Variants in ARHGAP19 observed in about 807,000 individuals in gnomAD.
ARHGAP19 encodes Rho GTPase activating protein 19, also known as rho GTPase-activating protein 19.
ARHGAP19 carries 48 observed loss-of-function variants against 60.9 expected under a neutral mutation model. The ratio of observed to expected loss-of-function variants is 0.79; its 90% confidence interval spans 0.62 to 1.00. The LOEUF (loss-of-function observed/expected upper bound fraction) is 1.00. ARHGAP19 is among the 50% of genes least tolerant of loss of function. The pLI is 0.00. For missense variants in ARHGAP19, 562 were observed against 597.2 expected, an observed-to-expected ratio of 0.94 and a Z score of 0.61; for synonymous variants, 209 against 215.5, an observed-to-expected ratio of 0.97 and a Z score of 0.27.
chr10:97,264,771 C>A (rs1842876160), intron 3 of ARHGAP19, 55 bp downstream of exon 3: 1 of 1,398,886 alleles, frequency 7.1e-7, no homozygotes, highest in Non-Finnish European at 1.0e-6. Flanking sequence ...TAGCTCTCAA[C>A]AGAAAACAGA....
At chr10:97,232,088 T>G (rs1450683751) in intron 9 of ARHGAP19, among the ~76,000 whole-genome samples, 1 of 151,474 alleles carries the variant, frequency 6.6e-6, no homozygotes, top group South Asian at 2.1e-4. Flanking sequence ...GAACATCTTT[T>G]CATGTGTTTC....
chr10:97,292,600 C>T lies in ARHGAP19; in HGVS notation c.28G>A (p.Glu10Lys). The T allele has an allele frequency of 1.9e-6, 3 of 1,614,210 alleles. No individual in the cohort carries two copies. Among genetic ancestry groups the T allele is most frequent in the East Asian group, 2.2e-5 (1 of 44,890 alleles). The change falls in exon 1 of 12, where the codon GAG becomes AAG. Residue 10 changes from glutamate to lysine, a missense_variant. By Grantham distance (56) the Glu-to-Lys change is moderately conservative. Transcript: ENST00000358531. MATEAQSEG[E>K]VPARESGRSD... ...CGGCCGGATTCGCGGGCTGGCACCT[C>T]CCCTTCACTCTGTGCCTCAGTCGCC... is the stretch of plus-strand genomic sequence containing the variant.
intron 1 of ARHGAP19, among the ~76,000 whole-genome samples, chr10:97,273,561 T>C (rs568011958): frequency 1.4e-5 from 2 of 143,042 alleles, no homozygotes; most frequent in South Asian, 4.6e-4. Flanking sequence ...CTATCCTGGC[T>C]CACTGTAACT....
At chr10:97,251,427 A>G (rs1268650394) in intron 6 of ARHGAP19, among the ~76,000 whole-genome samples, 4 of 48,868 alleles carry the variant, frequency 8.2e-5, no homozygotes, top group African/African-American at 9.7e-5. Context: ...AGGGGAAGGG[A>G]AGGGGAAGGG....
rs1288347863 is a variant in ARHGAP19, at chr10:97,225,880, T to A, written c.*242A>T. 2 of 531,034 alleles carry A rather than the reference T, an allele frequency of 3.8e-6. No homozygotes were observed. The highest frequency in any genetic ancestry group is 2.7e-5 in the South Asian group (1 of 37,664). The allele number at this position is 531,034 out of a possible 1,614,324, so 32.9% of individuals were successfully genotyped here. On this transcript the variant is annotated 3_prime_UTR_variant, in exon 12 of 12. Coordinates refer to ENST00000358531, the MANE Select transcript of ARHGAP19 (RefSeq NM_032900.6). Reference sequence around the variant, plus strand: ...CTGTATAAGCTGGTTGGATAGTTAGTGGTTTCCCCATAATATTAAAAAAGA... The same window carrying A: ...CTGTATAAGCTGGTTGGATAGTTAGAGGTTTCCCCATAATATTAAAAAAGA...
intron 1 of ARHGAP19, among the ~76,000 whole-genome samples, chr10:97,280,432 GA>G (rs367815153): frequency 3.4e-4 from 51 of 150,584 alleles, no homozygotes; most frequent in Middle Eastern, 6.8e-3. Context: ...ATAATTAAAA[GA>G]AAAAAAAGGT....
chr10:97,264,740 C>A, intron 3 of ARHGAP19, 86 bp downstream of exon 3: 1 of 904,650 alleles, frequency 1.1e-6, no homozygotes, highest in South Asian at 1.5e-5. Context: ...GGTTAATTGG[C>A]ACCTACTAAC....
In ARHGAP19 at chr10:97,224,171, C is replaced by T. The variant is rs979184262; in HGVS notation, c.*1951G>A. 1 of 152,176 alleles carries T rather than the reference C, an allele frequency of 6.6e-6. No individual in the cohort carries two copies. The highest frequency in any genetic ancestry group is 1.5e-5 in the Non-Finnish European group (1 of 68,036). 9.4% of individuals were successfully genotyped at this position (152,176 alleles called of 1,614,324 possible). A position where few individuals can be genotyped will look rare whatever the true frequency, so the allele number is the denominator to read the frequency against. Reference sequence around the variant, plus strand: ...CTGCTCCCTCTACCTGATGCCAGCCCTGTTTAACAGACCATAGCACCACTT... The same window carrying T: ...CTGCTCCCTCTACCTGATGCCAGCCTTGTTTAACAGACCATAGCACCACTT... On this transcript the variant is annotated 3_prime_UTR_variant, in exon 12 of 12. Coordinates refer to ENST00000358531, the MANE Select transcript of ARHGAP19 (RefSeq NM_032900.6).
At chr10:97,268,281 C>T (rs1842923190) in intron 1 of ARHGAP19, among the ~76,000 whole-genome samples, 1 of 152,216 alleles carries the variant, frequency 6.6e-6, no homozygotes, top group South Asian at 2.1e-4. Flanking sequence ...GTCCATATCA[C>T]TATCAGCATT....
chr10:97,271,912 T>C (rs1842963330), intron 1 of ARHGAP19, among the ~76,000 whole-genome samples: 1 of 151,928 alleles, frequency 6.6e-6, no homozygotes, highest in South Asian at 2.1e-4. Flanking sequence ...TGGTAAATAA[T>C]ACAGATTTTC....
At chr10:97,263,191 C>G (rs142248939) in intron 4 of ARHGAP19, among the ~76,000 whole-genome samples, 71 of 152,286 alleles carry the variant, frequency 4.7e-4, no homozygotes, top group Non-Finnish European at 9.1e-4. Context: ...CATCTTACTA[C>G]CAGCTCCTTA....
At chr10:97,290,292 C>T (rs1204735061) in intron 1 of ARHGAP19, among the ~76,000 whole-genome samples, 1 of 152,228 alleles carries the variant, frequency 6.6e-6, no homozygotes, top group Non-Finnish European at 1.5e-5. Flanking sequence ...TCCCATCCCT[C>T]CGGATCTGGC....
intron 1 of ARHGAP19, among the ~76,000 whole-genome samples, chr10:97,288,809 CTTTT>C (rs750951743): frequency 3.3e-5 from 4 of 120,004 alleles, no homozygotes; most frequent in Admixed American, 8.4e-5. Flanking sequence ...AACTTCTCTC[CTTTT>C]TTTTTTTTTT....
At chr10:97,235,098 A>T in intron 9 of ARHGAP19, 119 bp downstream of exon 9, 1 of 898,176 alleles carries the variant, frequency 1.1e-6, no homozygotes, top group Non-Finnish European at 1.7e-6. Flanking sequence ...TTACCCCCTT[A>T]TAAACTAGCC....
chr10:97,280,316 G>A (rs1843067075), intron 1 of ARHGAP19, among the ~76,000 whole-genome samples: 1 of 151,994 alleles, frequency 6.6e-6, no homozygotes, highest in African/African-American at 2.4e-5. Context: ...GGCTGAGGAA[G>A]GAGAATCACT....
chr10:97,249,000 T>C (rs1842603511), intron 6 of ARHGAP19, among the ~76,000 whole-genome samples: 1 of 152,072 alleles, frequency 6.6e-6, no homozygotes, highest in Non-Finnish European at 1.5e-5. Flanking sequence ...GTATTTTTCA[T>C]AGAGATGGGG....
chr10:97,255,322 T>C (rs1842738326), intron 6 of ARHGAP19, among the ~76,000 whole-genome samples: 1 of 152,212 alleles, frequency 6.6e-6, no homozygotes, highest in Admixed American at 6.5e-5. Context: ...CACACGCCTG[T>C]AATCCCAGCA....
intron 1 of ARHGAP19, among the ~76,000 whole-genome samples, chr10:97,292,256 G>C (rs979157206): frequency 1.3e-5 from 2 of 152,216 alleles, no homozygotes; most frequent in African/African-American, 4.8e-5. Flanking sequence ...AACCAGCCCT[G>C]GACTTCCGTT....
At chr10:97,265,607 C>T (rs1215146572) in intron 2 of ARHGAP19, 7 of 458,142 alleles carry the variant, frequency 1.5e-5, no homozygotes, top group South Asian at 3.5e-5. Flanking sequence ...CAAGATGCCC[C>T]GATGACTACC....
Sources: gnomAD v4.1 joint callset for allele counts (sites outside exome capture counted in the v4.1 genomes callset) on GRCh38, gnomAD v4.1.1 for gene constraint, MANE v1.5 for transcripts, NCBI Gene and HGNC (gene_info 2026-07-23, HGNC 2026-07-21) for gene names.